Variants in RBM19 observed in about 807,000 individuals in gnomAD.
The protein encoded by RBM19 is RNA binding motif protein 19, also known as probable RNA-binding protein 19.
Under a neutral mutation model 116.8 loss-of-function variants are expected in RBM19, and 94 were observed. The observed-to-expected ratio is 0.80, with a 90% CI of 0.68 to 0.95. The LOEUF (loss-of-function observed/expected upper bound fraction) is 0.95. Ranked by LOEUF, RBM19 falls within the 40% of genes least tolerant of loss-of-function variation. The probability of loss-of-function intolerance (pLI) is 0.00; values close to 1 mark genes in which losing one functional copy is unlikely to be tolerated. For missense variants in RBM19, 1,161 were observed against 1,220.7 expected, an observed-to-expected ratio of 0.95 and a Z score of 0.73; for synonymous variants, 475 against 494.1, an observed-to-expected ratio of 0.96 and a Z score of 0.51.
intron 13 of RBM19, among the ~76,000 whole-genome samples, chr12:113,943,854 G>A (rs529607991): frequency 4.3e-4 from 66 of 152,140 alleles, no homozygotes; most frequent in African/African-American, 1.5e-3. Context: ...TGGATATACT[G>A]AGTTACATGA....
At chr12:113,862,262 G>C (rs1369842325) in intron 21 of RBM19, among the ~76,000 whole-genome samples, 1 of 152,094 alleles carries the variant, frequency 6.6e-6, no homozygotes, top group African/African-American at 2.4e-5. Context: ...GGACGGAGAA[G>C]AAAAGCGACT....
At position 113,822,434 on chromosome 12, in the gene RBM19, G is replaced by A. The variant is rs1329890081; in HGVS notation, c.*790C>T. ...AGGGCTCTGGGCCCGTGAGCAGAAC[G>A]CGTCCACCATGAGTGACATCATTCA... On this transcript the variant is annotated 3_prime_UTR_variant, in exon 24 of 24. Transcript: ENST00000261741. 1 of 152,206 alleles carries A rather than the reference G, an allele frequency of 6.6e-6. No individual in the cohort carries two copies. The highest frequency in any genetic ancestry group is 1.5e-5 in the Non-Finnish European group (1 of 68,048). 9.4% of individuals were successfully genotyped at this position (152,206 alleles called of 1,614,324 possible).
intron 23 of RBM19, among the ~76,000 whole-genome samples, chr12:113,831,016 G>A (rs1875365259): frequency 6.6e-6 from 1 of 152,188 alleles, no homozygotes; most frequent in Non-Finnish European, 1.5e-5. Context: ...GCTATGCATT[G>A]TGCGTAAGGG....
intron 22 of RBM19, among the ~76,000 whole-genome samples, chr12:113,856,798 T>G (rs1290974271): frequency 6.6e-6 from 1 of 152,168 alleles, no homozygotes; most frequent in Non-Finnish European, 1.5e-5. Context: ...ATAGCCCGTA[T>G]GTAGGGGCCA....
At chr12:113,829,163 A>G (rs977903595) in intron 23 of RBM19, among the ~76,000 whole-genome samples, 7 of 152,044 alleles carry the variant, frequency 4.6e-5, no homozygotes, top group Non-Finnish European at 8.8e-5. Context: ...AGGCCCAACT[A>G]ATTTTTGTAT....
At chr12:113,834,997 T>C (rs1875749667) in intron 23 of RBM19, among the ~76,000 whole-genome samples, 1 of 152,166 alleles carries the variant, frequency 6.6e-6, no homozygotes, top group African/African-American at 2.4e-5. Context: ...TGATTTGATC[T>C]TTATAAGAAC....
rs772992045 is a variant in RBM19, at chr12:113,844,753, C to A, written c.2700G>T (p.Leu900Phe). 116 of 1,613,516 alleles carry A rather than the reference C, an allele frequency of 7.2e-5. No homozygotes were observed. The highest frequency in any genetic ancestry group is 9.7e-5 in the Non-Finnish European group (114 of 1,179,808). ...AFNALCHSTH[L>F]YGRRLVLEWA... ...ACTCCAGCACCAGCCTCCGCCCGTA[C>A]AAGTGGGTGCTGTGACACAGGGCGT... Residue 900 changes from leucine (L) to phenylalanine (F), a missense_variant, in exon 23 of 24, where the codon TTG (leucine) becomes TTT (phenylalanine). Physicochemically the swap from Leu to Phe is conservative, Grantham distance 22. Transcript: ENST00000261741.
At chr12:113,833,357 G>A (rs1289383216) in intron 23 of RBM19, among the ~76,000 whole-genome samples, 1 of 152,190 alleles carries the variant, frequency 6.6e-6, no homozygotes, top group Non-Finnish European at 1.5e-5. Context: ...GCCTGGATGG[G>A]ACCTCTGCCC....
intron 21 of RBM19, among the ~76,000 whole-genome samples, chr12:113,860,181 G>A (rs370915380): frequency 3.9e-5 from 6 of 152,244 alleles, no homozygotes; most frequent in African/African-American, 1.2e-4. Flanking sequence ...GGGAGGGGAA[G>A]GAGCCAGGAA....
intron 23 of RBM19, among the ~76,000 whole-genome samples, chr12:113,832,899 C>A (rs528118822): frequency 6.6e-6 from 1 of 152,156 alleles, no homozygotes; most frequent in Non-Finnish European, 1.5e-5. Context: ...GTGGGGATAA[C>A]GGGCTCTCTT....
intron 18 of RBM19, among the ~76,000 whole-genome samples, chr12:113,921,824 A>C (rs1481097839): frequency 2.0e-5 from 3 of 152,214 alleles, no homozygotes; most frequent in Non-Finnish European, 4.4e-5. Flanking sequence ...AACTGTGAGA[A>C]GGTCAAGTTC....
chr12:113,960,709 A>C (rs1357840240), intron 2 of RBM19, among the ~76,000 whole-genome samples: 1 of 152,100 alleles, frequency 6.6e-6, no homozygotes, highest in Non-Finnish European at 1.5e-5. Flanking sequence ...TGGGCAGGGT[A>C]ATGTGGGGCA....
At chr12:113,911,091 T>C (rs1343578442) in intron 21 of RBM19, among the ~76,000 whole-genome samples, 1 of 152,134 alleles carries the variant, frequency 6.6e-6, no homozygotes, top group Non-Finnish European at 1.5e-5. Flanking sequence ...CTTCCTTCCT[T>C]CCTTCTTTTA....
chr12:113,835,420 A>T (rs1266491670), intron 23 of RBM19, among the ~76,000 whole-genome samples: 2 of 152,164 alleles, frequency 1.3e-5, no homozygotes, highest in African/African-American at 4.8e-5. Context: ...TGAGCACCTG[A>T]CGGCAGGCTG....
chr12:113,942,372 C>T lies in RBM19; in HGVS notation c.1689G>A (p.Val563=), dbSNP rs748657912. 51 of 1,609,492 alleles carry T rather than the reference C, an allele frequency of 3.2e-5. No individual in the cohort carries two copies. The East Asian group carries it at 1.0e-3, about 33-fold the overall frequency. The change falls in exon 14 of 24, where the codon GTG becomes GTA. Residue 563 remains valine (V), a synonymous_variant. Transcript: ENST00000261741. The part of the protein sequence containing the change: ...ALGETQLVQE[V]RRFLIDNGVS... ...CCCCGTTGTCTATGAGAAAACGCCG[C>T]ACTTCCTGGACGAGCTGGGTTTCCC...
intron 6 of RBM19, among the ~76,000 whole-genome samples, chr12:113,956,247 A>C (rs1871928895): frequency 6.6e-6 from 1 of 152,170 alleles, no homozygotes; most frequent in Admixed American, 6.5e-5. Flanking sequence ...GGAAAAGAGG[A>C]AAGAAAAGAG....
intron 10 of RBM19, among the ~76,000 whole-genome samples, chr12:113,947,855 T>C (rs895931884): frequency 1.4e-5 from 2 of 146,920 alleles, no homozygotes; most frequent in East Asian, 2.0e-4. Flanking sequence ...CCTTTCTGCA[T>C]TGGTTTCAAC....
Position 113,879,446 on chromosome 12 carries a change from T to TATATATATATATACATAC in RBM19, c.2559-20551_2559-20550insGTATGTATATATATATAT, listed in dbSNP as rs893952657. ...TACATACATTTTATATATATATATATATATGGACTTTTCTTTTTTTAAGGG... is the reference window on the plus strand; with the variant it reads ...TACATACATTTTATATATATATATATATATATATATATACATACATATGGACTTTTCTTTTTTTAAGGG... On this transcript the variant is annotated intron_variant, in intron 21 of 23. Coordinates refer to ENST00000261741, the MANE Select transcript of RBM19 (RefSeq NM_016196.4). Among the ~76,000 whole-genome samples, 71 of 142,332 alleles carry TATATATATATATACATAC rather than the reference T, an allele frequency of 5.0e-4. 2 individuals carry two copies. The Admixed American group carries it at 5.0e-3, about 10-fold the overall frequency. The allele number at this position is 142,332 out of a possible 152,430, so 93.4% of individuals were successfully genotyped here.
At chr12:113,855,551 C>G (rs1293756783) in intron 22 of RBM19, among the ~76,000 whole-genome samples, 2 of 152,156 alleles carry the variant, frequency 1.3e-5, no homozygotes, top group Non-Finnish European at 2.9e-5. Context: ...GGCGGGGGAT[C>G]TGAGTGGGTC....
Sources: gnomAD v4.1 joint callset for allele counts (sites outside exome capture counted in the v4.1 genomes callset) on GRCh38, gnomAD v4.1.1 for gene constraint, MANE v1.5 for transcripts, NCBI Gene and HGNC (gene_info 2026-07-23, HGNC 2026-07-21) for gene names.